The following MACF1 variants were observed in gnomAD, a reference collection of about 807,000 sequenced individuals.
The protein encoded by MACF1 is microtubule-actin cross-linking factor 1.
A neutral mutation model predicts 854.8 loss-of-function variants in MACF1; 193 were observed. The observed-to-expected ratio is 0.23, with a 90% CI of 0.20 to 0.25. MACF1 has a LOEUF of 0.25. Ranked by LOEUF, MACF1 falls within the 10% of genes least tolerant of loss-of-function variation. The probability of loss-of-function intolerance (pLI) is 1.00; values close to 1 mark genes in which losing one functional copy is unlikely to be tolerated. For synonymous variants in MACF1, 3,185 were observed against 3,226.7 expected (o/e 0.99, Z 0.44); for missense variants, 7,722 against 8,929.1 (o/e 0.86, Z 5.45).
At chr1:39,346,516 A>G (rs1647050712) in intron 40 of MACF1, among the ~76,000 whole-genome samples, 1 of 150,182 alleles carries the variant, frequency 6.7e-6, no homozygotes, top group African/African-American at 2.5e-5. Flanking sequence ...TGAAAGTGAG[A>G]GAGACTTTTT....
At chr1:39,145,509 ACT>A (rs1643443974) in intron 2 of MACF1, among the ~76,000 whole-genome samples, 2 of 145,628 alleles carry the variant, frequency 1.4e-5, no homozygotes, top group South Asian at 4.2e-4. Context: ...CTTCAGACTA[ACT>A]CTCTGTGCTT....
intron 42 of MACF1, 137 bp downstream of exon 42, chr1:39,349,764 C>A: frequency 1.1e-6 from 1 of 913,708 alleles, no homozygotes; most frequent in Non-Finnish European, 1.6e-6. Context: ...TCCCCAGGAG[C>A]TGGGACAAAG....
At chr1:39,215,897 C>A (rs1291827112) in intron 1 of MACF1, among the ~76,000 whole-genome samples, 1 of 151,984 alleles carries the variant, frequency 6.6e-6, no homozygotes, top group Non-Finnish European at 1.5e-5. Context: ...CCAGCTGTGA[C>A]AGAGAGAGAA....
chr1:39,448,301 T>C, intron 83 of MACF1, 149 bp downstream of exon 83: 1 of 890,386 alleles, frequency 1.1e-6, no homozygotes, highest in Non-Finnish European at 1.7e-6. Context: ...CCATTTTATA[T>C]CTAGATGGTC....
intron 2 of MACF1, among the ~76,000 whole-genome samples, chr1:39,249,537 A>G (rs960624084): frequency 1.3e-5 from 2 of 152,172 alleles, no homozygotes; most frequent in African/African-American, 4.8e-5. Context: ...GAAATTCGCT[A>G]TTAGAAATAT....
chr1:39,382,614 G>C (rs550288854), intron 56 of MACF1, among the ~76,000 whole-genome samples: 28 of 151,208 alleles, frequency 1.9e-4, no homozygotes, highest in Middle Eastern at 3.4e-3. Context: ...TGAGGCAGGA[G>C]AATCATTTGA....
intron 1 of MACF1, among the ~76,000 whole-genome samples, chr1:39,217,646 A>C (rs138858273): frequency 4.0e-4 from 61 of 152,142 alleles, no homozygotes; most frequent in African/African-American, 1.4e-3. Context: ...TGGGAGGCCA[A>C]GGAGGGCGGA....
At chr1:39,456,211 G>A (rs1433547324) in intron 89 of MACF1, among the ~76,000 whole-genome samples, 1 of 152,168 alleles carries the variant, frequency 6.6e-6, no homozygotes, top group Non-Finnish European at 1.5e-5. Context: ...GTGGTTGCCT[G>A]TAATCCCAGC....
chr1:39,361,342 A>G lies in MACF1; in HGVS notation c.12454-18A>G. 1 of 1,607,966 alleles carries G rather than the reference A, an allele frequency of 6.2e-7. No individual in the cohort carries two copies. The highest frequency in any genetic ancestry group is 8.5e-7 in the Non-Finnish European group (1 of 1,175,260). ...GAATAAGTGAACCAGGAGCTGACAG[A>G]CGTGTTCTTCATGACAGAAATTGAA... On this transcript the variant is annotated intron_variant, in intron 48 of 100. Transcript: ENST00000564288.
chr1:39,336,031 A>G lies in MACF1; in HGVS notation c.9443A>G (p.Asp3148Gly). The stretch of plus-strand genomic sequence containing the variant: ...ACCAGACAGGAGACCAACTATCAAG[A>G]TTCCTGGGTTACTTCGAAAACTAAG... ...GTTRQETNYQ[D>G]SWVTSKTKET... Residue 3148 changes from aspartate (D) to glycine (G), a missense_variant, in exon 37 of 101, where the codon GAT becomes GGT. Physicochemically the swap from Asp to Gly is moderately conservative, Grantham distance 94. Transcript: ENST00000564288. 1 of 1,614,154 alleles carries G rather than the reference A, an allele frequency of 6.2e-7. No individual in the cohort carries two copies. The highest frequency in any genetic ancestry group is 1.7e-5 in the Admixed American group (1 of 60,012).
At chr1:39,122,221 G>A (rs562967010) in intron 2 of MACF1, among the ~76,000 whole-genome samples, 1 of 150,020 alleles carries the variant, frequency 6.7e-6, no homozygotes, top group Admixed American at 6.6e-5. Context: ...TAACATACTT[G>A]TACAGTGCAG....
At chr1:39,377,302 G>A (rs777514492) in intron 52 of MACF1, among the ~76,000 whole-genome samples, 6 of 152,160 alleles carry the variant, frequency 3.9e-5, no homozygotes, top group East Asian at 1.9e-4. Context: ...GTGAGCCACC[G>A]CGCCCGGCCA....
intron 6 of MACF1, among the ~76,000 whole-genome samples, chr1:39,263,696 T>C (rs1645191571): frequency 6.6e-6 from 1 of 152,126 alleles, no homozygotes; most frequent in South Asian, 2.1e-4. Flanking sequence ...CAATATGTAC[T>C]GTTGCTTGTA....
intron 70 of MACF1, chr1:39,436,330 A>G (rs1452833273): frequency 1.4e-6 from 1 of 720,924 alleles, no homozygotes; most frequent in African/African-American, 1.8e-5. Context: ...ATTCTTGGTT[A>G]ATATTTGTAC....
At chr1:39,143,432 G>A (rs1643391221) in intron 2 of MACF1, among the ~76,000 whole-genome samples, 1 of 152,186 alleles carries the variant, frequency 6.6e-6, no homozygotes, top group Non-Finnish European at 1.5e-5. Context: ...ATAGGATAGA[G>A]GAGAGGCCAG....
At chr1:39,447,990 G>A in intron 82 of MACF1, 43 bp from the exon 83 acceptor site, 1 of 1,612,978 alleles carries the variant, frequency 6.2e-7, no homozygotes, top group African/African-American at 1.3e-5. Flanking sequence ...GCTGTATAGT[G>A]TGTATATTCA....
At chr1:39,170,745 A>G (rs953159432) in intron 2 of MACF1, among the ~76,000 whole-genome samples, 11 of 152,250 alleles carry the variant, frequency 7.2e-5, no homozygotes, top group African/African-American at 2.7e-4. Flanking sequence ...TAGAGCTTAT[A>G]TTCTATCATT....
chr1:39,272,094 C>T (rs1043103085), intron 6 of MACF1, among the ~76,000 whole-genome samples: 1 of 152,198 alleles, frequency 6.6e-6, no homozygotes, highest in African/African-American at 2.4e-5. Context: ...AACTAAGTGA[C>T]CGAGTCTCAG....
intron 2 of MACF1, among the ~76,000 whole-genome samples, chr1:39,158,898 T>A (rs1479768018): frequency 1.3e-5 from 2 of 152,174 alleles, no homozygotes; most frequent in Non-Finnish European, 2.9e-5. Context: ...GTTTGCATGC[T>A]TTCACTTCTC....
Sources: gnomAD v4.1 joint callset for allele counts (sites outside exome capture counted in the v4.1 genomes callset) on GRCh38, gnomAD v4.1.1 for gene constraint, MANE v1.5 for transcripts, NCBI Gene and HGNC (gene_info 2026-07-23, HGNC 2026-07-21) for gene names.